USP15: variants seen among roughly 807,000 people sequenced by gnomAD.
USP15 encodes ubiquitin specific peptidase 15.
A neutral mutation model predicts 127.1 loss-of-function variants in USP15; 18 were observed. The ratio of observed to expected loss-of-function variants is 0.14; its 90% CI spans 0.10 to 0.21. The LOEUF is 0.21. Ranked by LOEUF, USP15 falls within the 10% of genes least tolerant of loss-of-function variation. The pLI is 1.00. For missense variants in USP15, 805 were observed against 1,159.9 expected, an observed-to-expected ratio of 0.69 and a Z score of 4.44; for synonymous variants, 364 against 393.7, an observed-to-expected ratio of 0.92 and a Z score of 0.89.
In USP15 at chr12:62,321,467, C is replaced by A. The variant is rs2064982754; in HGVS notation, c.479C>A (p.Thr160Lys). Residue 160 changes from threonine (T) to lysine (K), a missense_variant, in exon 5 of 22, where the codon ACA (threonine) becomes AAA (lysine). Thr to Lys is a moderately conservative substitution (Grantham distance 78). This residue lies in a region of USP15 where 57 missense variants were observed against 47.3 expected (regional missense o/e 1.20). Coordinates refer to ENST00000280377, the MANE Select transcript of USP15 (RefSeq NM_001252078.2). ...RRFSKADTID[T>K]IEKEIRKIFS... is the part of the protein sequence containing the mutation. ...TATCTTTCCTCCTTAAATCTAGATA[C>A]AATTGAAAAGGAAATAAGAAAAATC... is the stretch of plus-strand genomic sequence containing the variant. 9.0e-6 allele frequency: 14 copies of A among 1,561,024 alleles called. No individual in the cohort carries two copies. Among genetic ancestry groups the A allele is most frequent in the East Asian group, 4.6e-5 (2 of 43,564 alleles).
intron 19 of USP15, 57 bp from the exon 20 acceptor site, chr12:62,396,238 A>G: frequency 7.2e-7 from 1 of 1,388,436 alleles, no homozygotes; most frequent in Non-Finnish European, 9.8e-7. Flanking sequence ...AGAAGGGAAT[A>G]GAATTCATTG....
chr12:62,288,444 T>C (rs1455001973), intron 1 of USP15, among the ~76,000 whole-genome samples: 1 of 152,008 alleles, frequency 6.6e-6, no homozygotes, highest in Non-Finnish European at 1.5e-5. Context: ...TTCTGGTTTT[T>C]GTAAGTTGAT....
chr12:62,411,666 C>T lies in USP15; in HGVS notation c.*7291C>T, dbSNP rs1243373559. 2 of 152,126 alleles carry T rather than the reference C, an allele frequency of 1.3e-5. No individual in the cohort carries two copies. Among genetic ancestry groups the T allele is most frequent in the Non-Finnish European group, 2.9e-5 (2 of 68,054 alleles). 9.4% of individuals were successfully genotyped at this position (152,126 alleles called of 1,614,324 possible). A position where few individuals can be genotyped will look rare whatever the true frequency, so the allele number is the denominator to read the frequency against. On this transcript the variant is annotated 3_prime_UTR_variant, in exon 22 of 22. Coordinates refer to ENST00000280377, the MANE Select transcript of USP15 (RefSeq NM_001252078.2). ...ATACTGTCATAGTCTGCTCAGGCTGCCATAACAAACACAGACTGGGTGGCT... is the reference window on the plus strand; with the variant it reads ...ATACTGTCATAGTCTGCTCAGGCTGTCATAACAAACACAGACTGGGTGGCT...
chr12:62,324,002 CTT>C (rs139681009), intron 5 of USP15, among the ~76,000 whole-genome samples: 4 of 147,076 alleles, frequency 2.7e-5, no homozygotes, highest in Admixed American at 6.8e-5. Flanking sequence ...TCTCCTGGAC[CTT>C]TTTTTTTTTA....
At chr12:62,355,031 A>G (rs1425111317) in intron 7 of USP15, 5 of 190,464 alleles carry the variant, frequency 2.6e-5, no homozygotes, top group African/African-American at 7.0e-5. Context: ...TGATGGAGCA[A>G]TGGGGAATGG....
rs976850786 is a variant in USP15 at position 62,389,937 on chromosome 12, C to T, written c.1793C>T (p.Pro598Leu). ...LFGQPFLMAVPRNNTEDKLYN... is the reference protein window; with the variant it reads ...LFGQPFLMAVLRNNTEDKLYN... The stretch of plus-strand genomic sequence containing the variant: ...GGTCAGCCCTTTCTTATGGCTGTAC[C>T]ACGAAACAATACTGAAGACAAACTT... The change falls in exon 14 of 22, where the codon CCA becomes CTA. Residue 598 changes from proline (P) to leucine (L), a missense_variant. Physicochemically the swap from Pro to Leu is moderately conservative, Grantham distance 98. Around this residue, in one of 11 missense-constraint regions of USP15, gnomAD observed 225 missense variants for 239.5 expected, o/e 0.94. Transcript: ENST00000280377. The T allele has an allele frequency of 1.2e-6, 2 of 1,613,462 alleles. No homozygotes were observed. The highest frequency in any genetic ancestry group is 2.2e-5 in the East Asian group (1 of 44,806).
chr12:62,299,293 T>C (rs897243600), intron 2 of USP15, among the ~76,000 whole-genome samples: 1 of 152,032 alleles, frequency 6.6e-6, no homozygotes, highest in African/African-American at 2.4e-5. Flanking sequence ...GCATTTTTGT[T>C]GAGATGGGGT....
In USP15 at chr12:62,408,361, TGTGCAGTGTAGA is replaced by T. The variant is rs1243268924; in HGVS notation, c.*3987_*3998del. On this transcript the variant is annotated 3_prime_UTR_variant, in exon 22 of 22. Coordinates refer to ENST00000280377, the MANE Select transcript of USP15 (RefSeq NM_001252078.2). ...TAGTATGTTTCTGATCTTCTGTGCTTGTGCAGTGTAGATGAGCTCACCGCTTTAATTTTTAAG... is the reference window on the plus strand; with the variant it reads ...TAGTATGTTTCTGATCTTCTGTGCTTTGAGCTCACCGCTTTAATTTTTAAG... 1 of 152,162 alleles carries T rather than the reference TGTGCAGTGTAGA, an allele frequency of 6.6e-6. No individual in the cohort carries two copies. Among genetic ancestry groups the T allele is most frequent in the Non-Finnish European group, 1.5e-5 (1 of 68,028 alleles). The allele number at this position is 152,162 out of a possible 1,614,324, so 9.4% of individuals were successfully genotyped here.
intron 8 of USP15, among the ~76,000 whole-genome samples, chr12:62,373,798 T>G (rs2066748370): frequency 6.6e-6 from 1 of 151,874 alleles, no homozygotes; most frequent in Non-Finnish European, 1.5e-5. Context: ...TCAGAATTGA[T>G]CTCTCAAATT....
Position 62,415,961 on chromosome 12 carries a change from T to C in USP15, c.*11586T>C, listed in dbSNP as rs989954855. On this transcript the variant is annotated 3_prime_UTR_variant, in exon 22 of 22. Transcript: ENST00000280377. ...GCAGCTCTCTGTTCAATACGATTCATACTCAAGTTCTAATAAACTTTCTTT... is the reference window on the plus strand; with the variant it reads ...GCAGCTCTCTGTTCAATACGATTCACACTCAAGTTCTAATAAACTTTCTTT... The C allele has an allele frequency of 2.0e-5, 3 of 152,230 alleles. No individual in the cohort carries two copies. The highest frequency in any genetic ancestry group is 4.8e-5 in the African/African-American group (2 of 41,460). The allele number at this position is 152,230 out of a possible 1,614,324, so 9.4% of individuals were successfully genotyped here. A position where few individuals can be genotyped will look rare whatever the true frequency, so the allele number is the denominator to read the frequency against.
At chr12:62,343,764 G>T (rs10877827) in intron 6 of USP15, among the ~76,000 whole-genome samples, 50,193 of 151,980 alleles carry the variant, frequency 0.33, 10,242 homozygotes, top group East Asian at 0.54. Context: ...GGATACCTCA[G>T]TTGGAAATGC....
At chr12:62,265,719 A>G (rs1370365952) in intron 1 of USP15, among the ~76,000 whole-genome samples, 1 of 152,054 alleles carries the variant, frequency 6.6e-6, no homozygotes, top group Non-Finnish European at 1.5e-5. Flanking sequence ...GCTAATTTTT[A>G]AAGTTTTTGT....
Position 62,315,108 on chromosome 12 carries a change from A to AT in USP15, c.475+196dup, listed in dbSNP as rs545093076. ...GTATGCTTTTGCATTTATTAAATGA[A>AT]TTTTAACATTTGTGCTGTTTTGCTT... On this transcript the variant is annotated intron_variant, in intron 4 of 21. Coordinates refer to ENST00000280377, the MANE Select transcript of USP15 (RefSeq NM_001252078.2). 8.3e-4 allele frequency: 404 copies of AT among 484,594 alleles called. 3 individuals are homozygous for AT. Among genetic ancestry groups the AT allele is most frequent in the African/African-American group, 7.6e-3 (381 of 49,882 alleles). The allele number at this position is 484,594 out of a possible 1,614,324, so 30.0% of individuals were successfully genotyped here.
intron 6 of USP15, among the ~76,000 whole-genome samples, chr12:62,331,587 G>C (rs2065303041): frequency 6.6e-6 from 1 of 152,158 alleles, no homozygotes; most frequent in South Asian, 2.1e-4. Context: ...TATTTTGTCT[G>C]TTCTATACTG....
At chr12:62,367,060 CT>C (rs1405114089) in intron 8 of USP15, among the ~76,000 whole-genome samples, 1 of 152,090 alleles carries the variant, frequency 6.6e-6, no homozygotes, top group Non-Finnish European at 1.5e-5. Context: ...TGATGCCAGC[CT>C]CATAAAATGA....
chr12:62,266,522 A>G (rs1483771853), intron 1 of USP15, among the ~76,000 whole-genome samples: 1 of 152,082 alleles, frequency 6.6e-6, no homozygotes, highest in Admixed American at 6.5e-5. Flanking sequence ...CAATTTTGCT[A>G]TCTTAGTCTT....
chr12:62,272,257 TTC>T (rs2063360363), intron 1 of USP15, among the ~76,000 whole-genome samples: 1 of 151,958 alleles, frequency 6.6e-6, no homozygotes, highest in African/African-American at 2.4e-5. Flanking sequence ...ATAAATATTT[TTC>T]TGAGATTAAG....
chr12:62,310,531 C>T (rs1385832414), intron 3 of USP15, among the ~76,000 whole-genome samples: 1 of 151,886 alleles, frequency 6.6e-6, no homozygotes, highest in African/African-American at 2.4e-5. Context: ...CGACCTCCGG[C>T]TTCATCCATG....
At chr12:62,358,273 G>C (rs371222866) in intron 8 of USP15, among the ~76,000 whole-genome samples, 190 of 152,180 alleles carry the variant, frequency 1.2e-3, no homozygotes, top group African/African-American at 4.4e-3. Flanking sequence ...TAAAAACTAA[G>C]CAGCACCAAT....
Sources: allele counts gnomAD v4.1 joint callset (sites outside exome capture counted in the v4.1 genomes callset), GRCh38; gene constraint gnomAD v4.1.1; regional missense constraint gnomAD v4.1.1; transcripts MANE v1.5; gene names NCBI Gene and HGNC (gene_info 2026-07-23, HGNC 2026-07-21).